The following ANTXR1 variants were observed in gnomAD, a reference collection of about 807,000 sequenced individuals.
The protein encoded by ANTXR1 is ANTXR cell adhesion molecule 1.
Under a neutral mutation model 78.1 loss-of-function variants are expected in ANTXR1, and 19 were observed. That is an observed-to-expected ratio of 0.24 (90% CI 0.17 to 0.36). The LOEUF (loss-of-function observed/expected upper bound fraction) is 0.36. Ranked by LOEUF, ANTXR1 falls within the 10% of genes least tolerant of loss-of-function variation. The pLI is 1.00. For missense variants in ANTXR1, 518 were observed against 718.6 expected (o/e 0.72, Z 3.19); for synonymous variants, 273 against 260.5 (o/e 1.05, Z -0.46).
At chr2:69,102,963 G>A in intron 10 of ANTXR1, 23 bp downstream of exon 10, 1 of 1,609,486 alleles carries the variant, frequency 6.2e-7, no homozygotes, top group African/African-American at 1.3e-5. Context: ...AGAGTCCATG[G>A]GTTTCTTCGA....
In ANTXR1 at chr2:69,013,484, C is replaced by A. The variant is rs369231345; in HGVS notation, c.-16C>A. ...CGTGGGAAGGAGCGGACCCTGCTCTCCCCGGGCTGCGGGCCATGGCCACGG... is the reference window on the plus strand; with the variant it reads ...CGTGGGAAGGAGCGGACCCTGCTCTACCCGGGCTGCGGGCCATGGCCACGG... On this transcript the variant is annotated 5_prime_UTR_variant, in exon 1 of 18. Transcript: ENST00000303714. The surrounding 1 kb of genome is among the most constrained non-coding windows in gnomAD (Gnocchi z 5.0). 13 of 1,586,240 alleles carry A rather than the reference C, an allele frequency of 8.2e-6. No homozygotes were observed. The highest frequency in any genetic ancestry group is 1.1e-5 in the Non-Finnish European group (13 of 1,168,664).
intron 14 of ANTXR1, among the ~76,000 whole-genome samples, chr2:69,179,033 G>A (rs1674205609): frequency 6.6e-6 from 1 of 152,130 alleles, no homozygotes; most frequent in Non-Finnish European, 1.5e-5. Flanking sequence ...GAATGCCCAG[G>A]CTTTCAGAGC....
rs1226726782 is a variant in ANTXR1, at chr2:69,047,186, C to A, written c.296+2373C>A. Among the ~76,000 whole-genome samples the A allele has an allele frequency of 2.0e-5, 3 of 152,106 alleles. No individual in the cohort carries two copies. The East Asian group carries it at 5.8e-4, about 29-fold the overall frequency. ...ATTTGGTATACTCAGGGATCATGAA[C>A]CAATCCTCTGCCTATACCAAGGAAT... On this transcript the variant is annotated intron_variant, in intron 3 of 17. Coordinates refer to ENST00000303714, the MANE Select transcript of ANTXR1 (RefSeq NM_032208.3).
intron 1 of ANTXR1, among the ~76,000 whole-genome samples, chr2:69,027,901 A>G (rs1239875443): frequency 2.6e-5 from 4 of 152,150 alleles, no homozygotes; most frequent in African/African-American, 4.8e-5. Flanking sequence ...GAGAAAAAAT[A>G]TGAAGTGAGA....
intron 16 of ANTXR1, 70 bp downstream of exon 16, chr2:69,182,730 C>T: frequency 1.3e-6 from 2 of 1,599,962 alleles, no homozygotes; most frequent in Non-Finnish European, 1.7e-6. Context: ...GAATCAAAAT[C>T]TTTCCACATG....
intron 17 of ANTXR1, among the ~76,000 whole-genome samples, chr2:69,243,090 G>C (rs1675930070): frequency 6.6e-6 from 1 of 152,218 alleles, no homozygotes. Flanking sequence ...TCTAAACATA[G>C]CATTGCAACT....
chr2:69,041,045 G>A (rs2104075421), intron 2 of ANTXR1, among the ~76,000 whole-genome samples: 1 of 152,298 alleles, frequency 6.6e-6, no homozygotes, highest in Non-Finnish European at 1.5e-5. Flanking sequence ...GAGGGAAAGG[G>A]TTAGGAGGTA....
intron 1 of ANTXR1, among the ~76,000 whole-genome samples, chr2:69,022,922 G>A (rs1671235861): frequency 6.6e-6 from 1 of 152,214 alleles, no homozygotes. Context: ...CTTCAGTGTT[G>A]CCAGGTCCTG....
At chr2:69,212,663 T>G (rs375063749) in intron 17 of ANTXR1, among the ~76,000 whole-genome samples, 79 of 152,298 alleles carry the variant, frequency 5.2e-4, no homozygotes, top group African/African-American at 1.8e-3. Flanking sequence ...AGTACTGAGG[T>G]GTTTTTGAGA....
At chr2:69,061,784 G>A (rs182438538) in intron 3 of ANTXR1, among the ~76,000 whole-genome samples, 2 of 152,326 alleles carry the variant, frequency 1.3e-5, no homozygotes, top group African/African-American at 4.8e-5. Flanking sequence ...AGATACTAGA[G>A]TGTATTTGTA....
At chr2:69,030,001 C>T (rs777839755) in intron 1 of ANTXR1, among the ~76,000 whole-genome samples, 7 of 152,270 alleles carry the variant, frequency 4.6e-5, no homozygotes, top group South Asian at 2.1e-4. Context: ...CAAGAAGATG[C>T]GGTTTATTCT....
chr2:69,193,470 C>CACAA, intron 17 of ANTXR1, 55 bp downstream of exon 17: 1 of 1,215,390 alleles, frequency 8.2e-7, no homozygotes, highest in Non-Finnish European at 1.2e-6. Context: ...CACATACACA[C>CACAA]ACACACACAC....
rs373911768 is a variant in ANTXR1, at chr2:69,130,953, C to G, written c.951+6310C>G. On this transcript the variant is annotated intron_variant, in intron 12 of 17. Coordinates refer to ENST00000303714, the MANE Select transcript of ANTXR1 (RefSeq NM_032208.3). Reference sequence around the variant, plus strand: ...AACAAGACTGGGTGGCAGGCTGACTCTTTGCTACTTTTGAAGAGTTTTCCT... The same window carrying G: ...AACAAGACTGGGTGGCAGGCTGACTGTTTGCTACTTTTGAAGAGTTTTCCT... Among the ~76,000 whole-genome samples the G allele has an allele frequency of 2.6e-5, 4 of 152,166 alleles. No individual in the cohort carries two copies. In the East Asian group the frequency reaches 7.7e-4, roughly 29 times the overall value.
At chr2:69,130,274 G>T (rs1672694751) in intron 12 of ANTXR1, among the ~76,000 whole-genome samples, 3 of 151,512 alleles carry the variant, frequency 2.0e-5, no homozygotes, top group Non-Finnish European at 4.4e-5. Flanking sequence ...TAGACACAAG[G>T]TTCCAAATTC....
intron 10 of ANTXR1, 173 bp downstream of exon 10, chr2:69,103,113 A>T: frequency 1.4e-6 from 1 of 732,738 alleles, no homozygotes; most frequent in South Asian, 1.5e-5. Flanking sequence ...CCAGTCAGAA[A>T]AGGCACCACT....
intron 17 of ANTXR1, among the ~76,000 whole-genome samples, chr2:69,201,255 T>C (rs1674765567): frequency 6.6e-6 from 1 of 152,108 alleles, no homozygotes; most frequent in African/African-American, 2.4e-5. Flanking sequence ...ACATTTAAGC[T>C]AAGACAAGAA....
intron 8 of ANTXR1, among the ~76,000 whole-genome samples, chr2:69,090,406 T>A (rs1240902063): frequency 1.3e-5 from 2 of 152,078 alleles, no homozygotes; most frequent in African/African-American, 4.8e-5. Context: ...AGCTCCCAGC[T>A]CTTCCATGAA....
At chr2:69,184,637 C>A (rs1674375641) in intron 16 of ANTXR1, among the ~76,000 whole-genome samples, 1 of 152,202 alleles carries the variant, frequency 6.6e-6, no homozygotes, top group Admixed American at 6.5e-5. Context: ...TACTTGAGAG[C>A]ATAGTCCTCT....
At chr2:69,102,296 AC>A (rs1299179407) in intron 9 of ANTXR1, among the ~76,000 whole-genome samples, 1 of 152,264 alleles carries the variant, frequency 6.6e-6, no homozygotes, top group Non-Finnish European at 1.5e-5. Flanking sequence ...ACAAGAGAAC[AC>A]CACCAGACCA....
Sources: gnomAD v4.1 joint callset for allele counts (sites outside exome capture counted in the v4.1 genomes callset) on GRCh38, gnomAD v4.1.1 for gene constraint, Gnocchi (gnomAD v3.1) non-coding constraint, MANE v1.5 for transcripts, NCBI Gene and HGNC (gene_info 2026-07-23, HGNC 2026-07-21) for gene names.